The following ANKRD16 variants were observed in gnomAD, a reference collection of about 807,000 sequenced individuals.
The protein encoded by ANKRD16 is ankyrin repeat domain 16, also known as ankyrin repeat domain-containing protein 16.
In ANKRD16, 35 loss-of-function variants were observed where a neutral mutation model predicts 37.9. The ratio of observed to expected loss-of-function variants is 0.92; its 90% confidence interval spans 0.71 to 1.23. The LOEUF is 1.23. Among genes scored for constraint, ANKRD16 ranks in the 50% most tolerant of loss-of-function variants. The pLI is 0.00. For missense variants in ANKRD16, 480 were observed against 469.9 expected (o/e 1.02, Z -0.20); for synonymous variants, 206 against 197.2 (o/e 1.04, Z -0.37).
intron 6 of ANKRD16, 89 bp downstream of exon 6, chr10:5,880,201 AAAAGGAAG>A: frequency 3.4e-6 from 1 of 298,012 alleles, no homozygotes; most frequent in Non-Finnish European, 5.7e-6. Flanking sequence ...AAAAAAAAAA[AAAAGGAAG>A]AATATTAAAA....
intron 7 of ANKRD16, among the ~76,000 whole-genome samples, chr10:5,873,808 G>A (rs565063110): frequency 2.6e-4 from 40 of 151,792 alleles, no homozygotes; most frequent in South Asian, 1.9e-3. Context: ...GTATTTTCTC[G>A]TGTAAGTTTT....
At chr10:5,880,937 A>T (rs1842290094) in intron 5 of ANKRD16, among the ~76,000 whole-genome samples, 1 of 149,606 alleles carries the variant, frequency 6.7e-6, no homozygotes, top group African/African-American at 2.5e-5. Flanking sequence ...CTAAAAGTGA[A>T]TTTTCATCTT....
chr10:5,872,584 T>C (rs1445699686), intron 7 of ANKRD16, among the ~76,000 whole-genome samples: 1 of 152,154 alleles, frequency 6.6e-6, no homozygotes, highest in Non-Finnish European at 1.5e-5. Context: ...TGAGATGGAA[T>C]CTCACTCTGT....
In ANKRD16 at chr10:5,878,112, C is replaced by T. The variant is rs749131546; in HGVS notation, c.*18G>A. On this transcript the variant is annotated 3_prime_UTR_variant, in exon 7 of 8. Transcript: ENST00000380094. The surrounding 1 kb of genome is among the most constrained non-coding windows in gnomAD (Gnocchi z 5.1). ...TATGAATTACCATGCACTTTATTGCCTCCTCTTGGAAACATCCTTATGTCA... is the reference window on the plus strand; with the variant it reads ...TATGAATTACCATGCACTTTATTGCTTCCTCTTGGAAACATCCTTATGTCA... 2 of 1,608,630 alleles carry T rather than the reference C, an allele frequency of 1.2e-6. No homozygotes were observed. The highest frequency in any genetic ancestry group is 1.7e-6 in the Non-Finnish European group (2 of 1,177,128).
chr10:5,882,455 C>CAAAACA (rs894883259), intron 5 of ANKRD16, among the ~76,000 whole-genome samples: 13 of 126,102 alleles, frequency 1.0e-4, no homozygotes, highest in Middle Eastern at 3.8e-3. Flanking sequence ...GACTTTATCT[C>CAAAACA]AAAACAAAAA....
intron 2 of ANKRD16, among the ~76,000 whole-genome samples, chr10:5,886,277 TAAG>T (rs1485291848): frequency 6.6e-6 from 1 of 152,200 alleles, no homozygotes; most frequent in Non-Finnish European, 1.5e-5. Flanking sequence ...TCTACTTACT[TAAG>T]AAGTTTTAGA....
At chr10:5,886,270 A>G (rs1842421565) in intron 2 of ANKRD16, among the ~76,000 whole-genome samples, 1 of 150,920 alleles carries the variant, frequency 6.6e-6, no homozygotes, top group Admixed American at 6.6e-5. Flanking sequence ...AAAGTTTTCT[A>G]CTTACTTAAG....
intron 7 of ANKRD16, among the ~76,000 whole-genome samples, chr10:5,875,095 A>G (rs563651202): frequency 1.3e-5 from 2 of 152,136 alleles, no homozygotes; most frequent in Non-Finnish European, 2.9e-5. Context: ...GAGCAGCAAC[A>G]ACGACGCCAG....
intron 7 of ANKRD16, among the ~76,000 whole-genome samples, chr10:5,867,503 T>C (rs1244679239): frequency 6.6e-6 from 1 of 152,246 alleles, no homozygotes; most frequent in Non-Finnish European, 1.5e-5. Context: ...TAAGATAATA[T>C]GGACTGAACG....
intron 3 of ANKRD16, 41 bp downstream of exon 3, chr10:5,885,682 A>C (rs759955245): frequency 3.9e-5 from 63 of 1,610,900 alleles, no homozygotes; most frequent in Non-Finnish European, 5.3e-5. Flanking sequence ...TCTTTGTCAT[A>C]GTTAGCAAAT....
Position 5,869,608 on chromosome 10 carries a change from C to T in ANKRD16, c.*34-6917G>A, listed in dbSNP as rs910937062. ...GCTTGGTGTTTCCCAGCACCAAGGG[C>T]CCCAGCTCCTGCTCAGCACCCTTCT... On this transcript the variant is annotated intron_variant, in intron 7 of 7. Coordinates refer to ENST00000380094, the MANE Select transcript of ANKRD16 (RefSeq NM_019046.3). This position sits in a 1 kb window ranked among gnomAD's most constrained non-coding sequence, Gnocchi z 4.0. 1.3e-5 allele frequency among the ~76,000 whole-genome samples: 2 copies of T among 152,078 alleles called. No individual in the cohort carries two copies. The highest frequency in any genetic ancestry group is 4.8e-5 in the African/African-American group (2 of 41,398).
chr10:5,881,481 T>TATATATATATATATATATATATA (rs1842315520), intron 5 of ANKRD16, among the ~76,000 whole-genome samples: 1 of 129,346 alleles, frequency 7.7e-6, no homozygotes. Flanking sequence ...TATATATATA[T>TATATATATATATATATATATATA]TTGAGATGTA....
chr10:5,867,002 AAGAG>A (rs937616522), intron 7 of ANKRD16, among the ~76,000 whole-genome samples: 1 of 152,212 alleles, frequency 6.6e-6, no homozygotes, highest in African/African-American at 2.4e-5. Flanking sequence ...AAGAGAAAGA[AAGAG>A]AGATGGAAAT....
In ANKRD16 at chr10:5,871,873, C is replaced by T. The variant is rs1842095274; in HGVS notation, c.*33+6224G>A. ...TCCTGTCAAACTGCTTTCTTCTTTC[C>T]TTTCCTTCACCACACAATGCAGCCA... On this transcript the variant is annotated intron_variant, in intron 7 of 7. Transcript: ENST00000380094. The surrounding 1 kb of genome is among the most constrained non-coding windows in gnomAD (Gnocchi z 4.5). Among the ~76,000 whole-genome samples the T allele has an allele frequency of 6.6e-6, 1 of 152,170 alleles. No individual in the cohort carries two copies. The highest frequency in any genetic ancestry group is 2.1e-4 in the South Asian group (1 of 4,832).
rs1474507086 is a variant in ANKRD16 at position 5,868,436 on chromosome 10, G to C, written c.*34-5745C>G. On this transcript the variant is annotated intron_variant, in intron 7 of 7. Coordinates refer to ENST00000380094, the MANE Select transcript of ANKRD16 (RefSeq NM_019046.3). The surrounding 1 kb of genome is among the most constrained non-coding windows in gnomAD (Gnocchi z 4.9). ...GAGGTGAAGCCAGCTGGATTTCCTG[G>C]ATCAAGTGGGGACTTGGAGAACTTT... 6.6e-6 allele frequency among the ~76,000 whole-genome samples: 1 copy of C among 152,196 alleles called. No homozygotes were observed. The highest frequency in any genetic ancestry group is 1.9e-4 in the East Asian group (1 of 5,202).
intron 1 of ANKRD16, 119 bp downstream of exon 1, chr10:5,888,922 G>T: frequency 8.7e-7 from 1 of 1,154,276 alleles, no homozygotes; most frequent in Non-Finnish European, 1.2e-6. Context: ...GAGCAGGCCT[G>T]GGGTGAGAAC....
chr10:5,865,405 C>T lies in ANKRD16; in HGVS notation c.*34-2714G>A, dbSNP rs111932038. The stretch of plus-strand genomic sequence containing the variant: ...GGGCAAGCGCCAGCTCATGTCATCA[C>T]CCTCACTGAGCCCCAGGTATGTTTA... On this transcript the variant is annotated intron_variant, in intron 7 of 7. Coordinates refer to ENST00000380094, the MANE Select transcript of ANKRD16 (RefSeq NM_019046.3). The surrounding 1 kb of genome is among the most constrained non-coding windows in gnomAD (Gnocchi z 4.7). Among the ~76,000 whole-genome samples the T allele has an allele frequency of 2.0e-5, 3 of 152,200 alleles. No homozygotes were observed. Among genetic ancestry groups the T allele is most frequent in the Non-Finnish European group, 4.4e-5 (3 of 68,042 alleles).
intron 7 of ANKRD16, among the ~76,000 whole-genome samples, chr10:5,876,024 C>G (rs1326558935): frequency 1.3e-5 from 2 of 152,314 alleles, no homozygotes; most frequent in African/African-American, 2.4e-5. Context: ...GCTGGGATTA[C>G]AGGCGCATGC....
chr10:5,886,769 T>G (rs1181625228), intron 2 of ANKRD16, among the ~76,000 whole-genome samples: 1 of 152,222 alleles, frequency 6.6e-6, no homozygotes, highest in Non-Finnish European at 1.5e-5. Context: ...TTACAGTAAT[T>G]TTACTTTTTA....
Sources: allele counts gnomAD v4.1 joint callset (sites outside exome capture counted in the v4.1 genomes callset), GRCh38; gene constraint gnomAD v4.1.1; non-coding constraint Gnocchi (gnomAD v3.1); transcripts MANE v1.5; gene names NCBI Gene and HGNC (gene_info 2026-07-23, HGNC 2026-07-21).